The following NTNG2 variants were observed in gnomAD, a reference collection of about 807,000 sequenced individuals.
The protein encoded by NTNG2 is netrin-G2.
A neutral mutation model predicts 47.6 loss-of-function variants in NTNG2; 15 were observed. That is an observed-to-expected ratio of 0.32 (90% CI 0.21 to 0.49). The LOEUF (loss-of-function observed/expected upper bound fraction) is 0.49. Among genes scored for constraint, NTNG2 ranks in the 20% least tolerant of loss-of-function variants. The pLI, the probability that NTNG2 is intolerant of heterozygous loss-of-function variation, is 0.99. For synonymous variants in NTNG2, 307 were observed against 324.6 expected (o/e 0.95, Z 0.58); for missense variants, 578 against 764.6 (o/e 0.76, Z 2.88).
chr9:132,164,856 C>T (rs1219131517), intron 1 of NTNG2, among the ~76,000 whole-genome samples: 1 of 152,232 alleles, frequency 6.6e-6, no homozygotes, highest in African/African-American at 2.4e-5. Context: ...GGGGCCCTGG[C>T]TGGGGGCTGC....
At chr9:132,196,546 T>C (rs1838329781) in intron 2 of NTNG2, among the ~76,000 whole-genome samples, 1 of 152,226 alleles carries the variant, frequency 6.6e-6, no homozygotes, top group East Asian at 1.9e-4. Context: ...ACTGCAGTAT[T>C]ATACGGCATA....
At chr9:132,168,364 G>A (rs1361214101) in intron 2 of NTNG2, among the ~76,000 whole-genome samples, 1 of 152,224 alleles carries the variant, frequency 6.6e-6, no homozygotes, top group Non-Finnish European at 1.5e-5. Context: ...GAGCCTCCAG[G>A]TCTCTGGGTT....
chr9:132,193,922 G>T (rs1838083908), intron 2 of NTNG2, among the ~76,000 whole-genome samples: 2 of 152,132 alleles, frequency 1.3e-5, no homozygotes, highest in Non-Finnish European at 2.9e-5. Context: ...CCTTCAAACG[G>T]CCTTTTCTCT....
At chr9:132,237,357 C>T (rs114499111) in intron 5 of NTNG2, among the ~76,000 whole-genome samples, 1 of 152,334 alleles carries the variant, frequency 6.6e-6, no homozygotes, top group African/African-American at 2.4e-5. Context: ...GAAGCCTTTG[C>T]TGGGCTCTTC....
At chr9:132,186,606 C>T (rs757319636) in intron 2 of NTNG2, among the ~76,000 whole-genome samples, 32 of 152,200 alleles carry the variant, frequency 2.1e-4, no homozygotes, top group South Asian at 4.1e-4. Flanking sequence ...GACCCTCTCC[C>T]GGGCAGCTCG....
At chr9:132,187,865 A>C (rs1267090106) in intron 2 of NTNG2, among the ~76,000 whole-genome samples, 1 of 152,212 alleles carries the variant, frequency 6.6e-6, no homozygotes, top group African/African-American at 2.4e-5. Context: ...AGGAACACGC[A>C]GAACTTGAGA....
At chr9:132,210,160 C>T (rs1839487368) in intron 3 of NTNG2, among the ~76,000 whole-genome samples, 1 of 152,140 alleles carries the variant, frequency 6.6e-6, no homozygotes, top group South Asian at 2.1e-4. Flanking sequence ...ATCACGGTGC[C>T]AGCGAGCAGC....
rs994111698 is a variant in NTNG2, at chr9:132,163,462, C to T, written c.-484+1223C>T. Among the ~76,000 whole-genome samples, 1 of 151,932 alleles carries T rather than the reference C, an allele frequency of 6.6e-6. No individual in the cohort carries two copies. Among genetic ancestry groups the T allele is most frequent in the African/African-American group, 2.4e-5 (1 of 41,400 alleles). On this transcript the variant is annotated intron_variant, in intron 1 of 7. Coordinates refer to ENST00000393229, the MANE Select transcript of NTNG2 (RefSeq NM_032536.4). This position sits in a 1 kb window ranked among gnomAD's most constrained non-coding sequence, Gnocchi z 7.2. Reference sequence around the variant, plus strand: ...AGAGGCCCGCCGAGGCTACAGTGAGCGCGGGGCGCCCGCTGGACCCCGCCC... The same window carrying T: ...AGAGGCCCGCCGAGGCTACAGTGAGTGCGGGGCGCCCGCTGGACCCCGCCC...
At position 132,226,956 on chromosome 9, in the gene NTNG2, A is replaced by G; in HGVS notation, c.965A>G (p.Asn322Ser). 1 of 1,611,730 alleles carries G rather than the reference A, an allele frequency of 6.2e-7. No homozygotes were observed. Among genetic ancestry groups the G allele is most frequent in the Non-Finnish European group, 8.5e-7 (1 of 1,179,560 alleles). Residue 322 changes from asparagine (N) to serine (S), a missense_variant, in exon 4 of 8, where the codon AAT (asparagine) becomes AGT (serine). Coordinates refer to ENST00000393229, the MANE Select transcript of NTNG2 (RefSeq NM_032536.4). The surrounding 1 kb of genome is among the most constrained non-coding windows in gnomAD (Gnocchi z 4.8). ...TGPDCGKCKKNFRTRSWRAGS... is the reference protein window; with the variant it reads ...TGPDCGKCKKSFRTRSWRAGS... ...CCCGACTGCGGCAAGTGCAAGAAGAATTTCCGCACCCGGTCCTGGCGGGCC... is the reference window on the plus strand; with the variant it reads ...CCCGACTGCGGCAAGTGCAAGAAGAGTTTCCGCACCCGGTCCTGGCGGGCC...
In NTNG2 at chr9:132,242,704, CTTCG is replaced by C. The variant is rs1842063472; in HGVS notation, c.*597_*600del. 1 of 152,406 alleles carries C rather than the reference CTTCG, an allele frequency of 6.6e-6. No individual in the cohort carries two copies. Among genetic ancestry groups the C allele is most frequent in the South Asian group, 2.1e-4 (1 of 4,838 alleles). The allele number at this position is 152,406 out of a possible 1,614,324, so 9.4% of individuals were successfully genotyped here. ...AAGGAAGGGGTGGGGGGCCTGGAAA[CTTCG>C]TTCTGTAGAGAACTATTTTTGTTTG... On this transcript the variant is annotated 3_prime_UTR_variant, in exon 8 of 8. Coordinates refer to ENST00000393229, the MANE Select transcript of NTNG2 (RefSeq NM_032536.4). The surrounding 1 kb of genome is among the most constrained non-coding windows in gnomAD (Gnocchi z 5.9).
chr9:132,220,161 C>T (rs188960564), intron 3 of NTNG2, among the ~76,000 whole-genome samples: 2 of 152,270 alleles, frequency 1.3e-5, no homozygotes, highest in Non-Finnish European at 2.9e-5. Context: ...CTGTGCTGAT[C>T]CTTTCCTCAT....
rs1385589373 is a variant in NTNG2 at position 132,163,444 on chromosome 9, C to G, written c.-484+1205C>G. ...CCCGGGCCGCCGGAATTAAGAGGCCCGCCGAGGCTACAGTGAGCGCGGGGC... is the reference window on the plus strand; with the variant it reads ...CCCGGGCCGCCGGAATTAAGAGGCCGGCCGAGGCTACAGTGAGCGCGGGGC... On this transcript the variant is annotated intron_variant, in intron 1 of 7. Transcript: ENST00000393229. This position sits in a 1 kb window ranked among gnomAD's most constrained non-coding sequence, Gnocchi z 7.2. Among the ~76,000 whole-genome samples the G allele has an allele frequency of 6.6e-6, 1 of 151,916 alleles. No homozygotes were observed. The highest frequency in any genetic ancestry group is 1.5e-5 in the Non-Finnish European group (1 of 67,882).
Position 132,198,394 on chromosome 9 carries a change from G to A in NTNG2, c.642G>A (p.Glu214=). The change falls in exon 3 of 8, where the codon GAG becomes GAA. Residue 214 remains glutamate (E), a synonymous_variant. Transcript: ENST00000393229. The part of the protein sequence containing the change: ...GSKKEKHVRF[E]VRDRFAIFAG... ...AGAAGGAGAAGCACGTGCGCTTCGA[G>A]GTGCGGGACCGCTTCGCCATCTTTG... The A allele has an allele frequency of 1.9e-6, 3 of 1,613,060 alleles. No individual in the cohort carries two copies. The highest frequency in any genetic ancestry group is 2.5e-6 in the Non-Finnish European group (3 of 1,179,978).
At chr9:132,229,502 C>A (rs1182986069) in intron 4 of NTNG2, among the ~76,000 whole-genome samples, 2 of 152,196 alleles carry the variant, frequency 1.3e-5, no homozygotes, top group African/African-American at 4.8e-5. Context: ...CAGCCCATCA[C>A]CCTCCAGGGC....
At chr9:132,170,688 C>T (rs1206095142) in intron 2 of NTNG2, among the ~76,000 whole-genome samples, 1 of 152,156 alleles carries the variant, frequency 6.6e-6, no homozygotes, top group Non-Finnish European at 1.5e-5. Context: ...ACCCGAGACT[C>T]AGGGGTGAGC....
At chr9:132,225,224 TTTGTC>T (rs140767956) in intron 3 of NTNG2, among the ~76,000 whole-genome samples, 93,011 of 151,290 alleles carry the variant, frequency 0.61, 28,749 homozygotes, top group Middle Eastern at 0.71. Context: ...GCCCTTTTGT[TTTGTC>T]TTGTTTTGTT....
chr9:132,190,600 T>C (rs1837809270), intron 2 of NTNG2, among the ~76,000 whole-genome samples: 1 of 152,230 alleles, frequency 6.6e-6, no homozygotes, highest in African/African-American at 2.4e-5. Context: ...CCATTCTTGC[T>C]AACAGTTCAC....
chr9:132,193,203 T>C (rs984621648), intron 2 of NTNG2, among the ~76,000 whole-genome samples: 15 of 152,254 alleles, frequency 9.9e-5, no homozygotes, highest in African/African-American at 3.6e-4. Flanking sequence ...ACGGGAATAC[T>C]ATCAACACTC....
chr9:132,189,064 C>CTT (rs1179386814), intron 2 of NTNG2, among the ~76,000 whole-genome samples: 2 of 61,750 alleles, frequency 3.2e-5, no homozygotes, highest in African/African-American at 8.6e-5. Context: ...GGCTTTAAGC[C>CTT]TTTCTTTTTT....
Sources: gnomAD v4.1 joint callset for allele counts (sites outside exome capture counted in the v4.1 genomes callset) on GRCh38, gnomAD v4.1.1 for gene constraint, Gnocchi (gnomAD v3.1) non-coding constraint, MANE v1.5 for transcripts, NCBI Gene and HGNC (gene_info 2026-07-23, HGNC 2026-07-21) for gene names.